Variants in MARCHF4 observed in about 807,000 individuals in gnomAD.
The protein encoded by MARCHF4 is E3 ubiquitin-protein ligase MARCHF4.
A neutral mutation model predicts 43.9 loss-of-function variants in MARCHF4; 14 were observed. The observed-to-expected ratio is 0.32, with a 90% CI of 0.21 to 0.50. The LOEUF is 0.50. Among genes scored for constraint, MARCHF4 ranks in the 20% least tolerant of loss-of-function variants. The pLI is 0.98. For synonymous variants in MARCHF4, 226 were observed against 213.3 expected, an observed-to-expected ratio of 1.06 and a Z score of -0.52; for missense variants, 468 against 536.7, an observed-to-expected ratio of 0.87 and a Z score of 1.27.
chr2:216,312,067 T>C (rs905500628), intron 1 of MARCHF4, among the ~76,000 whole-genome samples: 2 of 152,238 alleles, frequency 1.3e-5, no homozygotes, highest in Non-Finnish European at 2.9e-5. Flanking sequence ...GTTTCCAGCA[T>C]ATCTGTTTCT....
intron 1 of MARCHF4, among the ~76,000 whole-genome samples, chr2:216,313,133 G>A (rs796737145): frequency 2.0e-5 from 3 of 152,306 alleles, no homozygotes; most frequent in African/African-American, 7.2e-5. Flanking sequence ...TAACTGAATA[G>A]GGTGTCCTTT....
intron 3 of MARCHF4, among the ~76,000 whole-genome samples, chr2:216,269,608 T>A (rs1690901140): frequency 6.6e-6 from 1 of 152,200 alleles, no homozygotes. Flanking sequence ...GTGTTCCCTC[T>A]GAGGGGAATC....
intron 1 of MARCHF4, among the ~76,000 whole-genome samples, chr2:216,325,452 T>C (rs1019344568): frequency 5.3e-5 from 8 of 152,076 alleles, no homozygotes; most frequent in South Asian, 2.1e-4. Flanking sequence ...CTTCACAGAA[T>C]TGGAAAAAAC....
chr2:216,358,163 T>C (rs925149877), intron 1 of MARCHF4, among the ~76,000 whole-genome samples: 3 of 152,240 alleles, frequency 2.0e-5, no homozygotes, highest in African/African-American at 7.2e-5. Flanking sequence ...ATTATTATCA[T>C]TGCCATTCTA....
chr2:216,303,184 T>C (rs1367147852), intron 1 of MARCHF4: 1 of 152,208 alleles, frequency 6.6e-6, no homozygotes, highest in African/African-American at 2.4e-5. Context: ...AGAAAAGCAC[T>C]CAGAAGTCCT....
intron 1 of MARCHF4, among the ~76,000 whole-genome samples, chr2:216,337,711 C>T (rs369259319): frequency 7.9e-5 from 12 of 152,296 alleles, no homozygotes; most frequent in Admixed American, 3.9e-4. Context: ...ACATCTCTTT[C>T]GTGGTCTTTC....
chr2:216,265,670 T>A (rs898944220), intron 3 of MARCHF4: 2 of 152,082 alleles, frequency 1.3e-5, no homozygotes, highest in African/African-American at 4.8e-5. Flanking sequence ...AATTTCTGCA[T>A]TTTTTATAGA....
At chr2:216,310,974 A>G (rs1691676164) in intron 1 of MARCHF4, among the ~76,000 whole-genome samples, 1 of 152,178 alleles carries the variant, frequency 6.6e-6, no homozygotes. Flanking sequence ...TTAAATAGTA[A>G]TATATTGGAT....
At chr2:216,337,372 T>C (rs116678156) in intron 1 of MARCHF4, among the ~76,000 whole-genome samples, 91 of 152,314 alleles carry the variant, frequency 6.0e-4, no homozygotes, top group African/African-American at 2.0e-3. Context: ...TCTTCAAGCA[T>C]TACTGTTTTT....
At chr2:216,364,951 T>A (rs1181212385) in intron 1 of MARCHF4, among the ~76,000 whole-genome samples, 1 of 152,232 alleles carries the variant, frequency 6.6e-6, no homozygotes, top group African/African-American at 2.4e-5. Context: ...GATTTACTAC[T>A]TTTAAATATT....
At chr2:216,357,449 TAGC>T in intron 1 of MARCHF4, among the ~76,000 whole-genome samples, 1 of 152,288 alleles carries the variant, frequency 6.6e-6, no homozygotes, top group South Asian at 2.1e-4. Flanking sequence ...GTCCCCTGAG[TAGC>T]TGGGACCACA....
chr2:216,354,960 TTTC>T (rs1559106692), intron 1 of MARCHF4, among the ~76,000 whole-genome samples: 42 of 145,990 alleles, frequency 2.9e-4, no homozygotes, highest in Non-Finnish European at 5.4e-4. Context: ...TCTTTCTTTC[TTTC>T]TTTCTTTCTT....
At chr2:216,268,953 T>C (rs1372519643) in intron 3 of MARCHF4, among the ~76,000 whole-genome samples, 1 of 152,138 alleles carries the variant, frequency 6.6e-6, no homozygotes, top group African/African-American at 2.4e-5. Flanking sequence ...AGATTTAAAT[T>C]CCTTCATCTC....
At chr2:216,265,569 C>T (rs1363676655) in intron 3 of MARCHF4, 1 of 152,060 alleles carries the variant, frequency 6.6e-6, no homozygotes, top group Non-Finnish European at 1.5e-5. Flanking sequence ...GATCATGGCT[C>T]ACTACAGCCT....
chr2:216,371,601 ATCC>A lies in MARCHF4; in HGVS notation c.-1344_-1342del, dbSNP rs984507912. The A allele has an allele frequency of 2.6e-5, 4 of 150,996 alleles. No homozygotes were observed. The highest frequency in any genetic ancestry group is 5.9e-5 in the Non-Finnish European group (4 of 67,982). The allele number at this position is 150,996 out of a possible 1,614,324, so 9.4% of individuals were successfully genotyped here. ...CGCGGTCGCGACTCCGGCCTTCATG[ATCC>A]TCCTCCTCCTCCCCCTTCCCTGGGG... On this transcript the variant is annotated 5_prime_UTR_variant, in exon 1 of 4. Coordinates refer to ENST00000273067, the MANE Select transcript of MARCHF4 (RefSeq NM_020814.3).
At chr2:216,299,174 G>A (rs1254669969) in intron 1 of MARCHF4, among the ~76,000 whole-genome samples, 1 of 151,706 alleles carries the variant, frequency 6.6e-6, no homozygotes, top group Non-Finnish European at 1.5e-5. Flanking sequence ...CTGCAGGATT[G>A]GGGAATAGCT....
chr2:216,273,030 T>C (rs1690963908), intron 3 of MARCHF4, among the ~76,000 whole-genome samples: 1 of 152,180 alleles, frequency 6.6e-6, no homozygotes, highest in Non-Finnish European at 1.5e-5. Flanking sequence ...TGGATACAGC[T>C]GTGGATGGGG....
At chr2:216,294,088 C>T (rs112013282) in intron 1 of MARCHF4, among the ~76,000 whole-genome samples, 4 of 152,198 alleles carry the variant, frequency 2.6e-5, no homozygotes, top group Non-Finnish European at 5.9e-5. Flanking sequence ...ACCAGAATTG[C>T]GCTATTTGCA....
intron 1 of MARCHF4, among the ~76,000 whole-genome samples, chr2:216,333,787 T>G (rs1380602099): frequency 6.6e-6 from 1 of 152,134 alleles, no homozygotes; most frequent in East Asian, 1.9e-4. Flanking sequence ...TAGCAGCTCC[T>G]GGAAAGAGAC....
Sources: gnomAD v4.1 joint callset for allele counts (sites outside exome capture counted in the v4.1 genomes callset) on GRCh38, gnomAD v4.1.1 for gene constraint, MANE v1.5 for transcripts, NCBI Gene and HGNC (gene_info 2026-07-23, HGNC 2026-07-21) for gene names.